Variants in ANXA6 observed in about 807,000 individuals in gnomAD.
The protein encoded by ANXA6 is 67 kDa calelectrin.
ANXA6 carries 71 observed loss-of-function variants against 95.4 expected under a neutral mutation model. The observed-to-expected ratio is 0.74, with a 90% CI of 0.61 to 0.91. The LOEUF is 0.91. ANXA6 is among the 40% of genes least tolerant of loss of function. The pLI is 0.00. For synonymous variants in ANXA6, 289 were observed against 315.9 expected, an observed-to-expected ratio of 0.91 and a Z score of 0.90; for missense variants, 830 against 876.4, an observed-to-expected ratio of 0.95 and a Z score of 0.67.
chr5:151,125,066 G>A (rs1765279956), intron 14 of ANXA6, among the ~76,000 whole-genome samples: 1 of 152,180 alleles, frequency 6.6e-6, no homozygotes. Flanking sequence ...TTGTTAAGTG[G>A]ATTAATGAGG....
At chr5:151,146,565 C>G (rs1765980870) in intron 2 of ANXA6, among the ~76,000 whole-genome samples, 1 of 152,174 alleles carries the variant, frequency 6.6e-6, no homozygotes, top group Non-Finnish European at 1.5e-5. Flanking sequence ...TTCAACCATT[C>G]CGTAAGGGGA....
At position 151,129,541 on chromosome 5, in the gene ANXA6, G is replaced by A. The variant is rs1244067061; in HGVS notation, c.796-12C>T. 2.6e-5 allele frequency: 42 copies of A among 1,593,496 alleles called. No homozygotes were observed. Among genetic ancestry groups the A allele is most frequent in the Non-Finnish European group, 3.5e-5 (41 of 1,169,574 alleles). On this transcript the variant is annotated splice_polypyrimidine_tract_variant and intron_variant, in intron 11 of 25. Transcript: ENST00000354546. ...CGAGTCCCCAGGCCCTGCAAGACAA[G>A]TGGGTTTGGGGAACATGGACTTGAG...
intron 2 of ANXA6, among the ~76,000 whole-genome samples, chr5:151,145,406 T>C (rs1765950657): frequency 6.6e-6 from 1 of 152,216 alleles, no homozygotes; most frequent in South Asian, 2.1e-4. Context: ...CATTATTGCA[T>C]TCAAACCCAG....
In ANXA6 at chr5:151,139,383, G is replaced by A; in HGVS notation, c.174C>T (p.Val58=). The A allele has an allele frequency of 1.2e-6, 2 of 1,613,040 alleles. No homozygotes were observed. The highest frequency in any genetic ancestry group is 1.7e-6 in the Non-Finnish European group (2 of 1,179,362). Residue 58 remains valine (V), a synonymous_variant, in exon 4 of 26, where the codon GTC becomes GTT. Coordinates refer to ENST00000354546, the MANE Select transcript of ANXA6 (RefSeq NM_001155.5). ...TSRSNRQRQE[V]CQSYKSLYGK... ...CGTAGAGGGACTTGTAGCTCTGGCAGACCTCCTGCCTCTGCCTGTTGCTCC... is the reference window on the plus strand; with the variant it reads ...CGTAGAGGGACTTGTAGCTCTGGCAAACCTCCTGCCTCTGCCTGTTGCTCC...
intron 2 of ANXA6, among the ~76,000 whole-genome samples, chr5:151,143,512 C>A (rs1407819790): frequency 6.6e-6 from 1 of 152,102 alleles, no homozygotes; most frequent in African/African-American, 2.4e-5. Flanking sequence ...TTCAATCAAG[C>A]AAGCAAGCAA....
chr5:151,117,653 C>T, intron 19 of ANXA6, 105 bp downstream of exon 19: 1 of 944,648 alleles, frequency 1.1e-6, no homozygotes, highest in Non-Finnish European at 1.7e-6. Flanking sequence ...CCCTCTCCAT[C>T]AGGAGTGCAC....
intron 1 of ANXA6, among the ~76,000 whole-genome samples, chr5:151,153,474 C>G (rs990356205): frequency 6.6e-6 from 1 of 152,186 alleles, no homozygotes; most frequent in Non-Finnish European, 1.5e-5. Flanking sequence ...TATTCCCCCG[C>G]TAGGGTGCTC....
At chr5:151,133,834 T>C (rs943786038) in intron 8 of ANXA6, among the ~76,000 whole-genome samples, 1 of 152,208 alleles carries the variant, frequency 6.6e-6, no homozygotes, top group African/African-American at 2.4e-5. Context: ...ATTTCCCTCC[T>C]TTCCTCCCTC....
chr5:151,114,783 T>C (rs1020896743), intron 20 of ANXA6, among the ~76,000 whole-genome samples: 2 of 152,056 alleles, frequency 1.3e-5, no homozygotes, highest in African/African-American at 4.8e-5. Context: ...GGGGCCACAG[T>C]TGGAAATTGG....
intron 2 of ANXA6, chr5:151,141,510 A>T (rs1262792114): frequency 1.0e-6 from 1 of 985,434 alleles, no homozygotes; most frequent in Non-Finnish European, 1.2e-6. Flanking sequence ...GAGGGAATGG[A>T]GGGTGGGCCA....
chr5:151,134,345 C>T, intron 8 of ANXA6, 82 bp downstream of exon 8: 1 of 1,398,920 alleles, frequency 7.1e-7, no homozygotes, highest in Non-Finnish European at 1.0e-6. Flanking sequence ...GACTTCACCT[C>T]CAGCCCTTCC....
chr5:151,107,661 T>C (rs1764733917), intron 23 of ANXA6, among the ~76,000 whole-genome samples: 2 of 152,344 alleles, frequency 1.3e-5, no homozygotes, highest in African/African-American at 4.8e-5. Flanking sequence ...ATGTGTTTTA[T>C]AGTAAATGAA....
intron 1 of ANXA6, among the ~76,000 whole-genome samples, chr5:151,150,749 C>T (rs893308608): frequency 6.6e-6 from 1 of 152,188 alleles, no homozygotes; most frequent in African/African-American, 2.4e-5. Context: ...AGGGGGCCCA[C>T]ATCTACCCCG....
rs979974873 is a variant in ANXA6 at position 151,110,555 on chromosome 5, C to A, written c.1590+72G>T. The A allele has an allele frequency of 9.2e-6, 14 of 1,528,730 alleles. No homozygotes were observed. In the African/African-American group the frequency reaches 1.4e-4, roughly 15 times the overall value. The allele number at this position is 1,528,730 out of a possible 1,614,324, so 94.7% of individuals were successfully genotyped here. ...GCTCCCAAATCACTGCTCGATACTG[C>A]CCCGCTCGGCCCAGTAAAGGCGGAC... On this transcript the variant is annotated intron_variant, in intron 21 of 25. Transcript: ENST00000354546.
rs575931129 is a variant in ANXA6, at chr5:151,137,329, T to G, written c.319-8A>C. On this transcript the variant is annotated splice_region_variant and splice_polypyrimidine_tract_variant and intron_variant, in intron 5 of 25. Coordinates refer to ENST00000354546, the MANE Select transcript of ANXA6 (RefSeq NM_001155.5). ...CTCATCAGTGCCAATGCCCTGGGGG[T>G]AGAAAAAGAGCGCATGAATTAAGGG... The G allele has an allele frequency of 6.2e-7, 1 of 1,609,286 alleles. No individual in the cohort carries two copies. Among genetic ancestry groups the G allele is most frequent in the African/African-American group, 1.3e-5 (1 of 74,814 alleles).
rs575407985 is a variant in ANXA6, at chr5:151,144,496, C to A, written c.18+3388G>T. On this transcript the variant is annotated intron_variant, in intron 2 of 25. Coordinates refer to ENST00000354546, the MANE Select transcript of ANXA6 (RefSeq NM_001155.5). ...GTTAGATGCCCAAAGTCGCTAAAGT[C>A]ATGGGATTGTAAGCTGCCGGGAAGG... is the stretch of plus-strand genomic sequence containing the variant. Among the ~76,000 whole-genome samples, 38 of 152,186 alleles carry A rather than the reference C, an allele frequency of 2.5e-4. 1 individual carries two copies. Among genetic ancestry groups the A allele is most frequent in the Middle Eastern group, 3.4e-3 (1 of 294 alleles).
intron 2 of ANXA6, among the ~76,000 whole-genome samples, chr5:151,144,174 A>G (rs888405769): frequency 5.3e-5 from 8 of 152,220 alleles, no homozygotes; most frequent in Non-Finnish European, 1.0e-4. Context: ...GGTAAGGGCA[A>G]GACTCTAACA....
chr5:151,126,799 C>A (rs1436923334), intron 13 of ANXA6, among the ~76,000 whole-genome samples: 1 of 152,178 alleles, frequency 6.6e-6, no homozygotes, highest in Admixed American at 6.5e-5. Context: ...TCACTGCAAC[C>A]TCTGCCTCCC....
At chr5:151,128,273 C>T (rs1165268840) in intron 12 of ANXA6, 34 bp from the exon 13 acceptor site, 4 of 1,567,328 alleles carry the variant, frequency 2.6e-6, no homozygotes, top group Middle Eastern at 1.7e-4. Flanking sequence ...ACCTCTCACC[C>T]AGCCCTGGGC....
Sources: allele counts gnomAD v4.1 joint callset (sites outside exome capture counted in the v4.1 genomes callset), GRCh38; gene constraint gnomAD v4.1.1; transcripts MANE v1.5; gene names NCBI Gene and HGNC (gene_info 2026-07-23, HGNC 2026-07-21).